PALM2AKAP2: variants seen among roughly 807,000 people sequenced by gnomAD.
PALM2AKAP2 encodes the protein PALM2-AKAP2 fusion protein.
In PALM2AKAP2, 37 loss-of-function variants were observed where a neutral mutation model predicts 71.5. The observed-to-expected ratio is 0.52, with a 90% CI of 0.40 to 0.68. The LOEUF (loss-of-function observed/expected upper bound fraction) is 0.68, where lower values mean the gene tolerates loss of function less well. Ranked by LOEUF, PALM2AKAP2 falls within the 30% of genes least tolerant of loss-of-function variation. The pLI is 0.00. For missense variants in PALM2AKAP2, 1,224 were observed against 1,191.8 expected (o/e 1.03, Z -0.40); for synonymous variants, 468 against 478.8 (o/e 0.98, Z 0.29).
At chr9:110,131,475 G>T (rs1285908544) in intron 1 of PALM2AKAP2, among the ~76,000 whole-genome samples, 2 of 152,220 alleles carry the variant, frequency 1.3e-5, no homozygotes, top group Non-Finnish European at 2.9e-5. Context: ...GAAGCATGGA[G>T]AAAATTCTGG....
chr9:109,943,184 A>G (rs564393580), intron 6 of PALM2AKAP2: 9 of 1,614,258 alleles, frequency 5.6e-6, no homozygotes, highest in Admixed American at 1.7e-5. Context: ...GTGCTAGGCT[A>G]TGATGAAACC....
intron 5 of PALM2AKAP2, among the ~76,000 whole-genome samples, chr9:109,930,978 T>C (rs369899539): frequency 2.0e-5 from 3 of 152,222 alleles, no homozygotes; most frequent in African/African-American, 7.2e-5. Context: ...AGACCTACAG[T>C]GAGCAGTTAG....
intron 6 of PALM2AKAP2, among the ~76,000 whole-genome samples, chr9:110,005,408 C>T (rs144808421): frequency 0.014 from 2,182 of 152,300 alleles, 24 homozygotes; most frequent in Non-Finnish European, 0.021. Context: ...GAGCAGTACC[C>T]GGCTATGTGA....
upstream of PALM2AKAP2, among the ~76,000 whole-genome samples, chr9:109,778,486 G>A (rs1460696054): frequency 1.3e-5 from 2 of 152,238 alleles, no homozygotes; most frequent in Non-Finnish European, 2.9e-5. Context: ...TGAAGAAAAG[G>A]ATGGGCTTAG....
At chr9:110,074,258 G>C (rs529560426) in intron 1 of PALM2AKAP2, among the ~76,000 whole-genome samples, 10 of 152,250 alleles carry the variant, frequency 6.6e-5, no homozygotes, top group African/African-American at 2.4e-4. Context: ...AAGCTGAAGC[G>C]GGAGGATCCC....
intron 6 of PALM2AKAP2, among the ~76,000 whole-genome samples, chr9:109,954,347 A>G (rs1186768302): frequency 1.3e-5 from 2 of 152,154 alleles, no homozygotes; most frequent in Admixed American, 1.3e-4. Context: ...GCAGCTATTA[A>G]TAGACCACAT....
chr9:109,701,483 A>G (rs1158268806), intron 1 of PALM2AKAP2, among the ~76,000 whole-genome samples: 1 of 152,250 alleles, frequency 6.6e-6, no homozygotes, highest in Admixed American at 6.5e-5. Context: ...GACAAAAACA[A>G]GAAATGGGGA....
chr9:109,849,714 C>T (rs1035838325), intron 1 of PALM2AKAP2, among the ~76,000 whole-genome samples: 4 of 152,114 alleles, frequency 2.6e-5, no homozygotes, highest in African/African-American at 9.7e-5. Flanking sequence ...CAAGATTGTG[C>T]CATTGCACTC....
At chr9:109,709,985 C>A (rs1828207203) in intron 1 of PALM2AKAP2, among the ~76,000 whole-genome samples, 4 of 152,106 alleles carry the variant, frequency 2.6e-5, no homozygotes, top group Admixed American at 2.6e-4. Context: ...GGCCCTAAAT[C>A]CAATGACAGG....
chr9:110,083,484 T>A (rs947496982), intron 1 of PALM2AKAP2, among the ~76,000 whole-genome samples: 2 of 152,250 alleles, frequency 1.3e-5, no homozygotes, highest in African/African-American at 4.8e-5. Flanking sequence ...CTTCTTTAGA[T>A]GAATCAGTTG....
At chr9:109,799,023 G>A (rs1827343846) in intron 1 of PALM2AKAP2, among the ~76,000 whole-genome samples, 3 of 152,140 alleles carry the variant, frequency 2.0e-5, no homozygotes, top group African/African-American at 7.2e-5. Flanking sequence ...AAGACTCACG[G>A]ATCCCCTTGC....
chr9:110,116,877 G>T (rs1037176514), intron 1 of PALM2AKAP2, among the ~76,000 whole-genome samples: 2 of 152,320 alleles, frequency 1.3e-5, no homozygotes, highest in East Asian at 3.9e-4. Flanking sequence ...GTACACATTT[G>T]TTCACTGTGG....
exon 2 of PALM2AKAP2, chr9:110,136,526 G>A (rs1835872588): frequency 6.2e-7 from 1 of 1,613,524 alleles, no homozygotes; most frequent in Non-Finnish European, 8.5e-7. Flanking sequence ...TGTCCACGAG[G>A]CGACCCAGCC....
intron 1 of PALM2AKAP2, among the ~76,000 whole-genome samples, chr9:110,057,885 A>G (rs1448054614): frequency 1.3e-5 from 2 of 152,194 alleles, no homozygotes; most frequent in African/African-American, 4.8e-5. Flanking sequence ...TGCTTAGAGG[A>G]GGAAAGTCTG....
chr9:110,013,819 G>A (rs1832925919), intron 6 of PALM2AKAP2, among the ~76,000 whole-genome samples: 1 of 152,170 alleles, frequency 6.6e-6, no homozygotes, highest in African/African-American at 2.4e-5. Flanking sequence ...GTAATTTCAA[G>A]TAATTATTAG....
intron 1 of PALM2AKAP2, among the ~76,000 whole-genome samples, chr9:109,863,973 G>A (rs1441480824): frequency 6.6e-6 from 1 of 152,030 alleles, no homozygotes; most frequent in African/African-American, 2.4e-5. Context: ...CCAGCTACTC[G>A]GGAGGCTGAC....
At chr9:109,775,748 G>A (rs1829340654), upstream of PALM2AKAP2, among the ~76,000 whole-genome samples, 1 of 152,172 alleles carries the variant, frequency 6.6e-6, no homozygotes, top group African/African-American at 2.4e-5. Flanking sequence ...CACACAACGG[G>A]CCTTGGCAAG....
At chr9:110,138,003 C>T (rs769113090) in exon 2 of PALM2AKAP2, 8 of 1,613,854 alleles carry the variant, frequency 5.0e-6, no homozygotes, top group African/African-American at 2.7e-5. Flanking sequence ...GTGGATAAAG[C>T]TGTGTCCAAA....
intron 1 of PALM2AKAP2, among the ~76,000 whole-genome samples, chr9:109,830,055 G>A (rs987170229): frequency 1.1e-4 from 16 of 152,126 alleles, no homozygotes; most frequent in Non-Finnish European, 2.2e-4. Flanking sequence ...AGTCTTTCAA[G>A]ATGCAGGTAT....
Sources: allele counts gnomAD v4.1 joint callset (sites outside exome capture counted in the v4.1 genomes callset), GRCh38; gene constraint gnomAD v4.1.1; transcripts MANE v1.5; gene names NCBI Gene and HGNC (gene_info 2026-07-23, HGNC 2026-07-21).